SIAH3: variants seen among roughly 807,000 people sequenced by gnomAD.
SIAH3 encodes seven in absentia homolog 3.
A neutral mutation model predicts 12.6 loss-of-function variants in SIAH3; 9 were observed. The observed-to-expected ratio is 0.72, with a 90% CI of 0.43 to 1.25. The LOEUF (loss-of-function observed/expected upper bound fraction) is 1.25. Ranked by LOEUF, SIAH3 falls within the 50% of genes most tolerant of loss-of-function variation. The pLI, the probability that SIAH3 is intolerant of heterozygous loss-of-function variation, is 0.00. For synonymous variants in SIAH3, 154 were observed against 151.1 expected (o/e 1.02, Z -0.14); for missense variants, 390 against 365.4 (o/e 1.07, Z -0.55).
chr13:45,848,114 G>A (rs1950766879), intron 1 of SIAH3, among the ~76,000 whole-genome samples: 1 of 152,188 alleles, frequency 6.6e-6, no homozygotes, highest in Non-Finnish European at 1.5e-5. Flanking sequence ...ACCAGGAGCA[G>A]GCGCCCTCAT....
At chr13:45,789,095 A>G (rs1243738078) in intron 1 of SIAH3, among the ~76,000 whole-genome samples, 1 of 152,208 alleles carries the variant, frequency 6.6e-6, no homozygotes, top group African/African-American at 2.4e-5. Context: ...CCTGCACACA[A>G]AACTCAGAAG....
chr13:45,832,348 C>T (rs576120345), intron 1 of SIAH3, among the ~76,000 whole-genome samples: 1 of 152,354 alleles, frequency 6.6e-6, no homozygotes, highest in African/African-American at 2.4e-5. Context: ...GCAGGAACTC[C>T]TTGTTTCCAA....
At chr13:45,814,183 G>T (rs1950626086) in intron 1 of SIAH3, among the ~76,000 whole-genome samples, 1 of 143,390 alleles carries the variant, frequency 7.0e-6, no homozygotes, top group Admixed American at 7.1e-5. Flanking sequence ...AGCTTGCAGT[G>T]AGCCGAGATG....
At chr13:45,801,253 G>A (rs180724715) in intron 1 of SIAH3, among the ~76,000 whole-genome samples, 1 of 152,198 alleles carries the variant, frequency 6.6e-6, no homozygotes, top group East Asian at 1.9e-4. Flanking sequence ...GCAGGAAAAG[G>A]TTTGTGTTGG....
chr13:45,799,111 A>G lies in SIAH3; in HGVS notation c.136-15054T>C, dbSNP rs1421694922. ...AGTAATTCCCTGGGTAATCTTCACA[A>G]GTCTTTATAGACAGGCCTACAGGAT... On this transcript the variant is annotated intron_variant, in intron 1 of 1. Coordinates refer to ENST00000400405, the MANE Select transcript of SIAH3 (RefSeq NM_198849.3). Among the ~76,000 whole-genome samples the G allele has an allele frequency of 4.6e-5, 7 of 152,210 alleles. No homozygotes were observed. The East Asian group carries it at 1.3e-3, about 29-fold the overall frequency.
chr13:45,783,323 T>C lies in SIAH3; in HGVS notation c.*60A>G, dbSNP rs1950512239. 7.1e-7 allele frequency: 1 copy of C among 1,411,718 alleles called. No individual in the cohort carries two copies. The highest frequency in any genetic ancestry group is 9.7e-7 in the Non-Finnish European group (1 of 1,029,654). 87.4% of individuals were successfully genotyped at this position (1,411,718 alleles called of 1,614,324 possible). A position where few individuals can be genotyped will look rare whatever the true frequency, so the allele number is the denominator to read the frequency against. The stretch of plus-strand genomic sequence containing the variant: ...TAAAAAGGAGTCTGGAGTCCTGGTA[T>C]TGGGAGGTCCCAGGCGTTTCCTAGG... On this transcript the variant is annotated 3_prime_UTR_variant, in exon 2 of 2. Transcript: ENST00000400405.
rs1950494737 is a variant in SIAH3, at chr13:45,779,122, G to T, written c.*4261C>A. Reference sequence around the variant, plus strand: ...GTCACTAAATGTGGAGCTGGAAGATGCGGTGCAGCACATTATTATATAGTA... The same window carrying T: ...GTCACTAAATGTGGAGCTGGAAGATTCGGTGCAGCACATTATTATATAGTA... On this transcript the variant is annotated 3_prime_UTR_variant, in exon 2 of 2. Coordinates refer to ENST00000400405, the MANE Select transcript of SIAH3 (RefSeq NM_198849.3). The T allele has an allele frequency of 6.6e-6, 1 of 152,210 alleles. No homozygotes were observed. The highest frequency in any genetic ancestry group is 1.5e-5 in the Non-Finnish European group (1 of 68,042). 9.4% of individuals were successfully genotyped at this position (152,210 alleles called of 1,614,324 possible). A position where few individuals can be genotyped will look rare whatever the true frequency, so the allele number is the denominator to read the frequency against.
rs114084813 is a variant in SIAH3 at position 45,818,448 on chromosome 13, A to G, written c.135+33047T>C. Among the ~76,000 whole-genome samples the G allele has an allele frequency of 7.6e-3, 1,158 of 152,320 alleles. 18 individuals are homozygous for G. Among genetic ancestry groups the G allele is most frequent in the African/African-American group, 0.027 (1,110 of 41,572 alleles). On this transcript the variant is annotated intron_variant, in intron 1 of 1. Coordinates refer to ENST00000400405, the MANE Select transcript of SIAH3 (RefSeq NM_198849.3). ...CTGTAGCAAACTTGGTGGCATAAAA[A>G]ACAGAAATTTATGCTCTCAGAGTTT...
At chr13:45,819,987 T>C (rs530973498) in intron 1 of SIAH3, among the ~76,000 whole-genome samples, 1 of 152,134 alleles carries the variant, frequency 6.6e-6, no homozygotes, top group African/African-American at 2.4e-5. Context: ...CGCTGCTGCA[T>C]CCTCTGAGGA....
At chr13:45,792,321 C>G (rs79025791) in intron 1 of SIAH3, among the ~76,000 whole-genome samples, 3,043 of 151,886 alleles carry the variant, frequency 0.02, 86 homozygotes, top group African/African-American at 0.061. Flanking sequence ...AGGTTGCTAC[C>G]AGGGAGCTGC....
chr13:45,784,396 C>CTTTTTTTT (rs1555256292), intron 1 of SIAH3, among the ~76,000 whole-genome samples: 4 of 102,014 alleles, frequency 3.9e-5, no homozygotes, highest in East Asian at 2.8e-4. Flanking sequence ...ACAAAGACAG[C>CTTTTTTTT]TGTTTTTTTT....
chr13:45,847,935 T>TC (rs765772215), intron 1 of SIAH3, among the ~76,000 whole-genome samples: 97 of 151,786 alleles, frequency 6.4e-4, no homozygotes, highest in Non-Finnish European at 8.4e-4. Flanking sequence ...GACTGACCGC[T>TC]CCTCCCCTCA....
At chr13:45,850,875 G>T (rs780234130) in intron 1 of SIAH3, among the ~76,000 whole-genome samples, 1 of 151,004 alleles carries the variant, frequency 6.6e-6, no homozygotes, top group Non-Finnish European at 1.5e-5. Flanking sequence ...TACACAGAGC[G>T]CATCTAACCA....
chr13:45,834,568 A>G (rs1049821334), intron 1 of SIAH3, among the ~76,000 whole-genome samples: 2 of 152,162 alleles, frequency 1.3e-5, no homozygotes, highest in Non-Finnish European at 2.9e-5. Context: ...CTCAGGGCCT[A>G]TGGCTGGTGG....
intron 1 of SIAH3, among the ~76,000 whole-genome samples, chr13:45,791,907 T>C (rs529555249): frequency 1.3e-5 from 2 of 152,300 alleles, no homozygotes; most frequent in East Asian, 3.9e-4. Flanking sequence ...AAGGAAGTGC[T>C]GTCTCACTTC....
chr13:45,810,682 C>A (rs1306579102), intron 1 of SIAH3, among the ~76,000 whole-genome samples: 2 of 152,174 alleles, frequency 1.3e-5, no homozygotes, highest in African/African-American at 4.8e-5. Context: ...AGAATTCATA[C>A]TCCCAAGAAT....
At chr13:45,822,091 A>T (rs1950657907) in intron 1 of SIAH3, among the ~76,000 whole-genome samples, 1 of 152,142 alleles carries the variant, frequency 6.6e-6, no homozygotes. Context: ...AGTGTCTCAG[A>T]GAAATCTGGC....
chr13:45,826,928 T>C (rs1378476748), intron 1 of SIAH3, among the ~76,000 whole-genome samples: 1 of 152,148 alleles, frequency 6.6e-6, no homozygotes, highest in South Asian at 2.1e-4. Flanking sequence ...CTGGGCGATG[T>C]ACACATTAAC....
chr13:45,821,537 G>T lies in SIAH3; in HGVS notation c.135+29958C>A, dbSNP rs1406952700. ...CTACTGCCCCATGGCCCAGTAGAGT[G>T]CCTGACACATAGTATGCCATCAAAA... On this transcript the variant is annotated intron_variant, in intron 1 of 1. Transcript: ENST00000400405. Among the ~76,000 whole-genome samples, 6 of 152,214 alleles carry T rather than the reference G, an allele frequency of 3.9e-5. No individual in the cohort carries two copies. The East Asian group carries it at 1.2e-3, about 29-fold the overall frequency.
Sources: allele counts gnomAD v4.1 joint callset (sites outside exome capture counted in the v4.1 genomes callset), GRCh38; gene constraint gnomAD v4.1.1; transcripts MANE v1.5; gene names NCBI Gene and HGNC (gene_info 2026-07-23, HGNC 2026-07-21).